ZNF646: variants seen among roughly 807,000 people sequenced by gnomAD.
ZNF646 encodes zinc finger protein 646.
Under a neutral mutation model 115.4 loss-of-function variants are expected in ZNF646, and 49 were observed. The ratio of observed to expected loss-of-function variants is 0.42; its 90% CI spans 0.34 to 0.54. The LOEUF (loss-of-function observed/expected upper bound fraction) is 0.54, where lower values mean the gene tolerates loss of function less well. Ranked by LOEUF, ZNF646 falls within the 20% of genes least tolerant of loss-of-function variation. The pLI is 0.04. For missense variants in ZNF646, 2,269 were observed against 2,457.9 expected (o/e 0.92, Z 1.62); for synonymous variants, 933 against 939.0 (o/e 0.99, Z 0.12).
chr16:31,073,680 CCGTG>C (rs1011088320), upstream of ZNF646: 10 of 152,222 alleles, frequency 6.6e-5, 1 homozygote, highest in African/African-American at 2.4e-4. Flanking sequence ...TGTGCTGACT[CCGTG>C]GCGTCGGCGT....
Position 31,084,064 on chromosome 16 carries a change from A to G in ZNF646, c.*972A>G. On this transcript the variant is annotated 3_prime_UTR_variant, in exon 3 of 3. Transcript: ENST00000300850. Reference sequence around the variant, plus strand: ...GGTTAGAACGGCACGTTCTCACTGGAGAGAGAAGGGTCCTGGAGAGGCAGG... The same window carrying G: ...GGTTAGAACGGCACGTTCTCACTGGGGAGAGAAGGGTCCTGGAGAGGCAGG... 6.5e-7 allele frequency: 1 copy of G among 1,536,072 alleles called. No homozygotes were observed. Among genetic ancestry groups the G allele is most frequent in the Non-Finnish European group, 8.8e-7 (1 of 1,139,336 alleles).
At position 31,081,704 on chromosome 16, in the gene ZNF646, AG is replaced by A; in HGVS notation, c.5377+8del. Reference sequence around the variant, plus strand: ...GGAGTGGACGGTGGCCGGCTCCGGTAGGGGGCATGAAGGGTCCCAGGAGGAG... The same window carrying A: ...GGAGTGGACGGTGGCCGGCTCCGGTAGGGGCATGAAGGGTCCCAGGAGGAG... On this transcript the variant is annotated splice_donor_region_variant and intron_variant, in intron 2 of 2. Transcript: ENST00000300850. The A allele has an allele frequency of 1.3e-6, 2 of 1,576,430 alleles. No homozygotes were observed. Among genetic ancestry groups the A allele is most frequent in the Non-Finnish European group, 1.7e-6 (2 of 1,159,178 alleles).
chr16:31,078,691 T>C lies in ZNF646; in HGVS notation c.2367T>C (p.Thr789=), dbSNP rs1238195796. 2 of 1,614,022 alleles carry C rather than the reference T, an allele frequency of 1.2e-6. No individual in the cohort carries two copies. The highest frequency in any genetic ancestry group is 3.3e-5 in the Admixed American group (2 of 60,024). The part of the protein sequence containing the change: ...GGGTHFCDSL[T]GVDEDQKPAT... ...GCACTCACTTCTGCGATAGCCTCAC[T>C]GGGGTGGATGAAGACCAGAAGCCAG... Residue 789 remains threonine, a synonymous_variant, in exon 2 of 3, where the codon ACT becomes ACC. Coordinates refer to ENST00000300850, the MANE Select transcript of ZNF646 (RefSeq NM_014699.4).
chr16:31,080,986 A>G lies in ZNF646; in HGVS notation c.4662A>G (p.Thr1554=), dbSNP rs2057150529. ...TCTTGAACCACAACACCAACAAGAC[A>G]GACCGACACTATTGCCTGCTCTGCT... ...GSLLNHNTNK[T]DRHYCLLCSK... The change falls in exon 2 of 3, where the codon ACA becomes ACG. Residue 1554 remains threonine, a synonymous_variant. Coordinates refer to ENST00000300850, the MANE Select transcript of ZNF646 (RefSeq NM_014699.4). The G allele has an allele frequency of 6.2e-7, 1 of 1,613,992 alleles. No homozygotes were observed. Among genetic ancestry groups the G allele is most frequent in the Non-Finnish European group, 8.5e-7 (1 of 1,180,040 alleles).
chr16:31,076,996 C>T lies in ZNF646; in HGVS notation c.672C>T (p.Gly224=). 6.2e-7 allele frequency: 1 copy of T among 1,613,978 alleles called. No individual in the cohort carries two copies. The change falls in exon 2 of 3, where the codon GGC becomes GGT. Residue 224 remains glycine (G), a synonymous_variant. Transcript: ENST00000300850. ...LAESVVNFTG[G]QEPTQSPPAE... ...AATCAGTAGTGAACTTCACAGGGGG[C>T]CAGGAGCCCACCCAGTCCCCTCCTG...
chr16:31,083,809 C>T lies in ZNF646; in HGVS notation c.*717C>T, dbSNP rs369832167. 8.1e-6 allele frequency: 13 copies of T among 1,614,042 alleles called. No homozygotes were observed. In the African/African-American group the frequency reaches 1.2e-4, roughly 15 times the overall value. On this transcript the variant is annotated 3_prime_UTR_variant, in exon 3 of 3. Transcript: ENST00000300850. ...CCCCTGTCAGCAGCTGGTTGGTTGGCCTGTGGGGAAGGAAGGAGGGTGGAG... is the reference window on the plus strand; with the variant it reads ...CCCCTGTCAGCAGCTGGTTGGTTGGTCTGTGGGGAAGGAAGGAGGGTGGAG...
At chr16:31,076,155 T>C in intron 1 of ZNF646, 91 bp from the exon 2 acceptor site, 1 of 842,062 alleles carries the variant, frequency 1.2e-6, no homozygotes, top group South Asian at 2.3e-5. Flanking sequence ...TTGGGGAACC[T>C]CTCAGTGACC....
At position 31,083,420 on chromosome 16, in the gene ZNF646, T is replaced by G; in HGVS notation, c.*328T>G. 11 of 1,274,702 alleles carry G rather than the reference T, an allele frequency of 8.6e-6. No homozygotes were observed. Among genetic ancestry groups the G allele is most frequent in the Non-Finnish European group, 1.1e-5 (11 of 988,406 alleles). The allele number at this position is 1,274,702 out of a possible 1,614,324, so 79.0% of individuals were successfully genotyped here. ...GAAGGGAGCCTTTTGCTACAATTTGTAACTTATTTTCTAAAGTCTATTTTG... is the reference window on the plus strand; with the variant it reads ...GAAGGGAGCCTTTTGCTACAATTTGGAACTTATTTTCTAAAGTCTATTTTG... On this transcript the variant is annotated 3_prime_UTR_variant, in exon 3 of 3. Coordinates refer to ENST00000300850, the MANE Select transcript of ZNF646 (RefSeq NM_014699.4).
rs755237563 is a variant in ZNF646 at position 31,084,122 on chromosome 16, T to C, written c.*1030T>C. 1.1e-5 allele frequency: 17 copies of C among 1,574,720 alleles called. No homozygotes were observed. The highest frequency in any genetic ancestry group is 1.7e-4 in the Middle Eastern group (1 of 5,850). ...AGGAGGCCCCGGGGCCACATACTTA[T>C]GTTGGCCAGGCAGCTTCCAGGCTCA... On this transcript the variant is annotated 3_prime_UTR_variant, in exon 3 of 3. Coordinates refer to ENST00000300850, the MANE Select transcript of ZNF646 (RefSeq NM_014699.4).
chr16:31,076,620 C>T lies in ZNF646; in HGVS notation c.296C>T (p.Pro99Leu), dbSNP rs1237510178. The change falls in exon 2 of 3, where the codon CCT (proline) becomes CTT (leucine). Residue 99 changes from proline to leucine, a missense_variant. Physicochemically the swap from Pro to Leu is moderately conservative, Grantham distance 98 (BLOSUM62 -3). Coordinates refer to ENST00000300850, the MANE Select transcript of ZNF646 (RefSeq NM_014699.4). ...AAGAGCCATATGAGGACACATGCTCCTGAGGGCCGCCGCAGGCACAGGCCC... is the reference window on the plus strand; with the variant it reads ...AAGAGCCATATGAGGACACATGCTCTTGAGGGCCGCCGCAGGCACAGGCCC... ...ALKSHMRTHA[P>L]EGRRRHRPPR... 7 of 1,612,918 alleles carry T rather than the reference C, an allele frequency of 4.3e-6. No homozygotes were observed. The highest frequency in any genetic ancestry group is 5.9e-6 in the Non-Finnish European group (7 of 1,179,824).
rs145616925 is a variant in ZNF646, at chr16:31,078,341, C to A, written c.2017C>A (p.Arg673=). 5 of 1,613,350 alleles carry A rather than the reference C, an allele frequency of 3.1e-6. No individual in the cohort carries two copies. Among genetic ancestry groups the A allele is most frequent in the Admixed American group, 1.7e-5 (1 of 59,994 alleles). The change falls in exon 2 of 3, where the codon CGG becomes AGG. Residue 673 remains arginine, a synonymous_variant. Coordinates refer to ENST00000300850, the MANE Select transcript of ZNF646 (RefSeq NM_014699.4). ...CCGGCACAGTCGGCGGCGGAGCAGG[C>A]GGCATCGGAAGCGGGCTGGCGGTGC... ...LRRHSRRRSR[R]HRKRAGGASG...
chr16:31,075,650 C>T (rs964326977), intron 1 of ZNF646, among the ~76,000 whole-genome samples: 1 of 152,122 alleles, frequency 6.6e-6, no homozygotes, highest in African/African-American at 2.4e-5. Context: ...GAAAAGAGAC[C>T]TTGTGACACT....
At position 31,082,475 on chromosome 16, in the gene ZNF646, C is replaced by T. The variant is rs1434805485; in HGVS notation, c.5378-496C>T. 1.6e-5 allele frequency: 3 copies of T among 186,034 alleles called. No individual in the cohort carries two copies. The South Asian group carries it at 4.0e-4, about 25-fold the overall frequency. The allele number at this position is 186,034 out of a possible 1,614,324, so 11.5% of individuals were successfully genotyped here. ...TAATTGTTTCCTTGAAGTCCAGGCC[C>T]AGCTGCAGCAACAACAGTCATTAGC... On this transcript the variant is annotated intron_variant, in intron 2 of 2. Coordinates refer to ENST00000300850, the MANE Select transcript of ZNF646 (RefSeq NM_014699.4).
chr16:31,084,049 G>T lies in ZNF646; in HGVS notation c.*957G>T. 6.6e-7 allele frequency: 1 copy of T among 1,524,520 alleles called. No individual in the cohort carries two copies. Among genetic ancestry groups the T allele is most frequent in the South Asian group, 1.3e-5 (1 of 79,146 alleles). 94.4% of individuals were successfully genotyped at this position (1,524,520 alleles called of 1,614,324 possible). A position where few individuals can be genotyped will look rare whatever the true frequency, so the allele number is the denominator to read the frequency against. On this transcript the variant is annotated 3_prime_UTR_variant, in exon 3 of 3. Transcript: ENST00000300850. ...AAGGCAGCTGGAGTGGGTTAGAACG[G>T]CACGTTCTCACTGGAGAGAGAAGGG...
chr16:31,077,532 G>T lies in ZNF646; in HGVS notation c.1208G>T (p.Cys403Phe). Residue 403 changes from cysteine to phenylalanine, a missense_variant, in exon 2 of 3, where the codon TGC becomes TTC. Transcript: ENST00000300850. ...RKSHQTGVYP[C>F]SLCSKQLFNA... The stretch of plus-strand genomic sequence containing the variant: ...AGCCACCAGACAGGTGTCTACCCCT[G>T]CTCACTCTGTTCTAAGCAGCTGTTC... 1.2e-6 allele frequency: 2 copies of T among 1,613,420 alleles called. No homozygotes were observed. The highest frequency in any genetic ancestry group is 1.7e-6 in the Non-Finnish European group (2 of 1,179,798).
At position 31,080,695 on chromosome 16, in the gene ZNF646, G is replaced by T. The variant is rs765852908; in HGVS notation, c.4371G>T (p.Trp1457Cys). The part of the protein sequence containing the change: ...ASSEAPEPLS[W>C]GAGKAGGWPV... ...CAGAAGCCCCAGAGCCACTGTCCTG[G>T]GGTGCAGGGAAGGCAGGTGGGTGGC... The change falls in exon 2 of 3, where the codon TGG becomes TGT. Residue 1457 changes from tryptophan to cysteine, a missense_variant. Physicochemically the swap from Trp to Cys is radical, Grantham distance 215. Coordinates refer to ENST00000300850, the MANE Select transcript of ZNF646 (RefSeq NM_014699.4). 6.2e-7 allele frequency: 1 copy of T among 1,613,944 alleles called. No homozygotes were observed. Among genetic ancestry groups the T allele is most frequent in the South Asian group, 1.1e-5 (1 of 91,088 alleles).
chr16:31,076,133 G>A, intron 1 of ZNF646, 113 bp from the exon 2 acceptor site: 1 of 640,084 alleles, frequency 1.6e-6, no homozygotes, highest in Non-Finnish European at 2.5e-6. Context: ...TTAGGTCCTT[G>A]GGCATGGATG....
In ZNF646 at chr16:31,077,695, C is replaced by T. The variant is rs756694029; in HGVS notation, c.1371C>T (p.Thr457=). ...ETTHKEEEDP[T]TTLDHRPYKC... The stretch of plus-strand genomic sequence containing the variant: ...CCCACAAAGAGGAAGAGGACCCCAC[C>T]ACCACCCTGGACCATCGGCCCTATA... The change falls in exon 2 of 3, where the codon ACC becomes ACT. Residue 457 remains threonine (T), a synonymous_variant. Coordinates refer to ENST00000300850, the MANE Select transcript of ZNF646 (RefSeq NM_014699.4). The T allele has an allele frequency of 1.1e-5, 17 of 1,614,086 alleles. No individual in the cohort carries two copies. Among genetic ancestry groups the T allele is most frequent in the Non-Finnish European group, 1.4e-5 (16 of 1,179,992 alleles).
In ZNF646 at chr16:31,077,998, TGAA is replaced by T. The variant is rs773547065; in HGVS notation, c.1680_1682del (p.Glu561del). ...CAGATCAGGACCATGTGTGCAAACA[TGAA>T]GAAGAGGCCACGGACATCACCCCAG... On this transcript the variant is annotated inframe_deletion, in exon 2 of 3. Transcript: ENST00000300850. 1.9e-6 allele frequency: 3 copies of T among 1,613,930 alleles called. No homozygotes were observed. The highest frequency in any genetic ancestry group is 1.7e-5 in the Admixed American group (1 of 60,004).
Sources: allele counts gnomAD v4.1 joint callset (sites outside exome capture counted in the v4.1 genomes callset), GRCh38; gene constraint gnomAD v4.1.1; transcripts MANE v1.5; gene names NCBI Gene and HGNC (gene_info 2026-07-23, HGNC 2026-07-21).